The following CCNB2 variants were observed in gnomAD, a reference collection of about 807,000 sequenced individuals.
CCNB2 encodes the protein G2/mitotic-specific cyclin-B2.
CCNB2 carries 39 observed loss-of-function variants against 51.1 expected under a neutral mutation model. The ratio of observed to expected loss-of-function variants is 0.76; its 90% confidence interval spans 0.59 to 1.00. CCNB2 has a LOEUF of 1.00. Ranked by LOEUF, CCNB2 falls within the 50% of genes least tolerant of loss-of-function variation. The pLI is 0.00. For synonymous variants in CCNB2, 174 were observed against 165.5 expected, an observed-to-expected ratio of 1.05 and a Z score of -0.40; for missense variants, 472 against 470.3, an observed-to-expected ratio of 1.00 and a Z score of -0.03.
Position 59,123,539 on chromosome 15 carries a change from C to T in CCNB2, c.998C>T (p.Thr333Ile), listed in dbSNP as rs2079312177. ...GKWNLKQQYY[T>I]GYTENEVLEV... is the part of the protein sequence containing the mutation. The stretch of plus-strand genomic sequence containing the variant: ...CAGAACTTAAAGCAGCAGTATTACA[C>T]AGGATACACAGAGAATGAAGTATTG... Residue 333 changes from threonine (T) to isoleucine (I), a missense_variant, in exon 8 of 9, where the codon ACA (threonine) becomes ATA (isoleucine). Physicochemically the swap from Thr to Ile is moderately conservative, Grantham distance 89 (BLOSUM62 -1). Transcript: ENST00000288207. 1.2e-6 allele frequency: 2 copies of T among 1,611,832 alleles called. No homozygotes were observed.
intron 7 of CCNB2, among the ~76,000 whole-genome samples, chr15:59,119,229 G>A (rs116715419): frequency 0.011 from 1,633 of 152,230 alleles, 26 homozygotes; most frequent in Middle Eastern, 0.044. Context: ...GAACACAGAG[G>A]AAAGAATTAA....
intron 8 of CCNB2, 68 bp downstream of exon 8, chr15:59,123,695 G>C: frequency 6.6e-6 from 5 of 759,044 alleles, no homozygotes; most frequent in South Asian, 6.0e-5. Context: ...ATGTTGGGCG[G>C]GGGGGGGCGG....
chr15:59,117,176 A>G (rs2079282592), intron 6 of CCNB2, 52 bp from the exon 7 acceptor site: 1 of 1,587,600 alleles, frequency 6.3e-7, no homozygotes, highest in African/African-American at 1.3e-5. Context: ...AGAATTTTGC[A>G]AGACAGTAAT....
chr15:59,116,719 A>G lies in CCNB2; in HGVS notation c.627A>G (p.Gln209=), dbSNP rs28383542. ...QVQPVSRKKL[Q]LVGITALLLA... is the part of the protein sequence containing the mutation. Reference sequence around the variant, plus strand: ...AGCCAGTTTCCCGGAAGAAGCTTCAATTAGTTGGGATTACTGCTCTGCTCT... The same window carrying G: ...AGCCAGTTTCCCGGAAGAAGCTTCAGTTAGTTGGGATTACTGCTCTGCTCT... The change falls in exon 6 of 9, where the codon CAA becomes CAG. Residue 209 remains glutamine, a synonymous_variant. Coordinates refer to ENST00000288207, the MANE Select transcript of CCNB2 (RefSeq NM_004701.4). 0.014 allele frequency: 23,168 copies of G among 1,612,138 alleles called. 629 individuals carry two copies. The highest frequency in any genetic ancestry group is 0.1 in the African/African-American group (7,686 of 74,946).
chr15:59,124,949 T>A lies in CCNB2; in HGVS notation c.*72T>A. 1 of 862,066 alleles carries A rather than the reference T, an allele frequency of 1.2e-6. No individual in the cohort carries two copies. The highest frequency in any genetic ancestry group is 1.8e-6 in the Non-Finnish European group (1 of 567,226). The allele number at this position is 862,066 out of a possible 1,614,324, so 53.4% of individuals were successfully genotyped here. ...TATTGGTTTAGAACTCTTGATTTTGTACATAGTCCTCTGGTCTATCTCATG... is the reference window on the plus strand; with the variant it reads ...TATTGGTTTAGAACTCTTGATTTTGAACATAGTCCTCTGGTCTATCTCATG... On this transcript the variant is annotated 3_prime_UTR_variant, in exon 9 of 9. Coordinates refer to ENST00000288207, the MANE Select transcript of CCNB2 (RefSeq NM_004701.4).
At chr15:59,117,107 G>C in intron 6 of CCNB2, 121 bp from the exon 7 acceptor site, 1 of 1,086,686 alleles carries the variant, frequency 9.2e-7, no homozygotes, top group South Asian at 1.4e-5. Flanking sequence ...GTGTGGAATA[G>C]AGTAATTCTT....
chr15:59,122,427 G>A (rs2079306845), intron 7 of CCNB2, among the ~76,000 whole-genome samples: 1 of 151,178 alleles, frequency 6.6e-6, no homozygotes, highest in South Asian at 2.1e-4. Context: ...GTTTCACCAT[G>A]TTGGTCAGGC....
At chr15:59,118,983 T>G (rs567364291) in intron 7 of CCNB2, among the ~76,000 whole-genome samples, 1 of 152,324 alleles carries the variant, frequency 6.6e-6, no homozygotes, top group African/African-American at 2.4e-5. Flanking sequence ...TATTTATATA[T>G]TTGTTAATTT....
At position 59,116,818 on chromosome 15, in the gene CCNB2, C is replaced by T. The variant is rs747918850; in HGVS notation, c.726C>T (p.Thr242=). ...DFVYITDNAY[T]SSQIREMETL... Reference sequence around the variant, plus strand: ...TTTACATCACAGACAATGCTTATACCAGTTCCCAAATCCGAGAAATGGAAA... The same window carrying T: ...TTTACATCACAGACAATGCTTATACTAGTTCCCAAATCCGAGAAATGGAAA... The change falls in exon 6 of 9, where the codon ACC becomes ACT. Residue 242 remains threonine, a synonymous_variant. Coordinates refer to ENST00000288207, the MANE Select transcript of CCNB2 (RefSeq NM_004701.4). The T allele has an allele frequency of 1.2e-5, 19 of 1,613,932 alleles. No individual in the cohort carries two copies. The African/African-American group carries it at 2.0e-4, about 17-fold the overall frequency.
intron 1 of CCNB2, 50 bp downstream of exon 1, chr15:59,105,342 G>T: frequency 6.5e-7 from 1 of 1,534,092 alleles, no homozygotes. Context: ...CGGCCCCACA[G>T]CTCCCCTGTC....
At chr15:59,114,366 T>C (rs2079269477) in intron 3 of CCNB2, 78 bp from the exon 4 acceptor site, 9 of 1,058,648 alleles carry the variant, frequency 8.5e-6, no homozygotes, top group Middle Eastern at 4.2e-4. Context: ...GCGTATGATA[T>C]TGATATTTAA....
At chr15:59,105,474 C>A (rs998005066) in intron 1 of CCNB2, among the ~76,000 whole-genome samples, 182 bp downstream of exon 1, 2 of 152,252 alleles carry the variant, frequency 1.3e-5, no homozygotes, top group Admixed American at 6.5e-5. Flanking sequence ...CGCCTTTCCC[C>A]GTCTGGATTC....
intron 1 of CCNB2, among the ~76,000 whole-genome samples, chr15:59,105,528 A>G (rs2079232198): frequency 6.6e-6 from 1 of 152,124 alleles, no homozygotes; most frequent in East Asian, 1.9e-4. Flanking sequence ...GGAGAAGTGT[A>G]GGAAAGCGCT....
At chr15:59,113,609 AAC>A (rs1239253504) in intron 3 of CCNB2, among the ~76,000 whole-genome samples, 2 of 152,248 alleles carry the variant, frequency 1.3e-5, no homozygotes, top group East Asian at 3.8e-4. Flanking sequence ...TATGAGAAAA[AAC>A]AGAATAATAC....
At chr15:59,113,390 C>A (rs1264075699) in intron 3 of CCNB2, among the ~76,000 whole-genome samples, 1 of 152,156 alleles carries the variant, frequency 6.6e-6, no homozygotes, top group African/African-American at 2.4e-5. Flanking sequence ...TGAGCACCTA[C>A]TACGTATCAG....
chr15:59,112,567 A>G (rs1235440206), intron 3 of CCNB2, among the ~76,000 whole-genome samples: 5 of 151,800 alleles, frequency 3.3e-5, no homozygotes, highest in Non-Finnish European at 7.4e-5. Flanking sequence ...GGCTGATTTC[A>G]AACTTCTGAC....
chr15:59,118,966 G>A (rs1364114521), intron 7 of CCNB2, among the ~76,000 whole-genome samples: 1 of 152,156 alleles, frequency 6.6e-6, no homozygotes, highest in African/African-American at 2.4e-5. Flanking sequence ...GTGTGTGTAT[G>A]TATATATATT....
At chr15:59,123,688 TTGGGC>T (rs1437346092) in intron 8 of CCNB2, 61 bp downstream of exon 8, 27 of 750,716 alleles carry the variant, frequency 3.6e-5, no homozygotes, top group African/African-American at 1.3e-4. Context: ...TGTGTGTATG[TTGGGC>T]GGGGGGGGGC....
intron 3 of CCNB2, among the ~76,000 whole-genome samples, chr15:59,111,782 C>A (rs2079258139): frequency 6.6e-6 from 1 of 151,914 alleles, no homozygotes; most frequent in Non-Finnish European, 1.5e-5. Context: ...CCCTGGGTAC[C>A]TCTACTCATT....
Sources: gnomAD v4.1 joint callset for allele counts (sites outside exome capture counted in the v4.1 genomes callset) on GRCh38, gnomAD v4.1.1 for gene constraint, MANE v1.5 for transcripts, NCBI Gene and HGNC (gene_info 2026-07-23, HGNC 2026-07-21) for gene names.